Variants in PRUNE2 observed in about 807,000 individuals in gnomAD.
PRUNE2 encodes the protein protein prune homolog 2.
A neutral mutation model predicts 252.0 loss-of-function variants in PRUNE2; 164 were observed. The ratio of observed to expected loss-of-function variants is 0.65; its 90% confidence interval spans 0.57 to 0.74. The LOEUF (loss-of-function observed/expected upper bound fraction) is 0.74. PRUNE2 is among the 30% of genes least tolerant of loss of function. The pLI, the probability that PRUNE2 is intolerant of heterozygous loss-of-function variation, is 0.00. For missense variants in PRUNE2, 3,495 were observed against 3,711.0 expected (o/e 0.94, Z 1.51); for synonymous variants, 1,292 against 1,350.2 (o/e 0.96, Z 0.94).
chr9:76,755,040 C>T (rs567942172), intron 6 of PRUNE2, among the ~76,000 whole-genome samples: 1 of 150,908 alleles, frequency 6.6e-6, no homozygotes, highest in South Asian at 2.1e-4. Context: ...TTCCTTATCG[C>T]TCTTTTTAAT....
chr9:76,670,413 T>G, intron 9 of PRUNE2, among the ~76,000 whole-genome samples: 1 of 150,636 alleles, frequency 6.6e-6, no homozygotes, highest in Non-Finnish European at 1.5e-5. Flanking sequence ...ACCCACGGAG[T>G]CTCGCTGATT....
intron 5 of PRUNE2, among the ~76,000 whole-genome samples, chr9:76,824,778 G>C (rs954987923): frequency 3.9e-5 from 6 of 152,092 alleles, no homozygotes; most frequent in Non-Finnish European, 7.4e-5. Flanking sequence ...TACTTACAAT[G>C]CTCTGTCAAT....
intron 11 of PRUNE2, 73 bp from the exon 12 acceptor site, chr9:76,644,982 A>G: frequency 7.3e-7 from 1 of 1,370,474 alleles, no homozygotes; most frequent in Non-Finnish European, 1.0e-6. Flanking sequence ...GCCAAATGGT[A>G]AGCTTTACAA....
chr9:76,793,374 G>A (rs768320152), intron 6 of PRUNE2, among the ~76,000 whole-genome samples: 2 of 152,168 alleles, frequency 1.3e-5, no homozygotes, highest in South Asian at 2.1e-4. Flanking sequence ...AAGGGGTGGA[G>A]GATTGACGAA....
At chr9:76,681,423 TTTATG>T (rs1315325385) in intron 9 of PRUNE2, among the ~76,000 whole-genome samples, 2 of 151,362 alleles carry the variant, frequency 1.3e-5, no homozygotes, top group Admixed American at 6.6e-5. Flanking sequence ...GACGGTAAAT[TTTATG>T]TTATGTGTTT....
Position 76,636,514 on chromosome 9 carries a change from A to T in PRUNE2, c.9007T>A (p.Trp3003Arg). ...ACAGCAAGGATTGTTCTGATGAACC[A>T]AGATGGATGAACAATGATGAATGAT... ...LKSFIIVHPS[W>R]FIRTILAVTR... Residue 3003 changes from tryptophan to arginine, a missense_variant, in exon 15 of 19, where the codon TGG (tryptophan) becomes AGG (arginine). By Grantham distance (101) the Trp-to-Arg change is moderately radical. Coordinates refer to ENST00000376718, the MANE Select transcript of PRUNE2 (RefSeq NM_015225.3). The T allele has an allele frequency of 6.4e-7, 1 of 1,558,466 alleles. No individual in the cohort carries two copies. The highest frequency in any genetic ancestry group is 8.7e-7 in the Non-Finnish European group (1 of 1,148,290).
intron 16 of PRUNE2, chr9:76,624,875 CTT>C: frequency 6.6e-6 from 3 of 457,598 alleles, no homozygotes; most frequent in Non-Finnish European, 3.9e-6. Context: ...ACCTCAACAG[CTT>C]TACACACAGG....
At position 76,906,020 on chromosome 9, in the gene PRUNE2, G is replaced by A; in HGVS notation, c.-57C>T. 6.3e-7 allele frequency: 1 copy of A among 1,585,756 alleles called. No individual in the cohort carries two copies. The highest frequency in any genetic ancestry group is 1.7e-5 in the Admixed American group (1 of 59,958). ...CGGAGGGGCGCAGTGGAAAATCTCG[G>A]CCCAAGGAAGACGAGCGGGGTCCCG... On this transcript the variant is annotated 5_prime_UTR_variant, in exon 1 of 19. Coordinates refer to ENST00000376718, the MANE Select transcript of PRUNE2 (RefSeq NM_015225.3).
At chr9:76,904,697 G>A (rs556834444) in intron 1 of PRUNE2, among the ~76,000 whole-genome samples, 2 of 152,188 alleles carry the variant, frequency 1.3e-5, no homozygotes, top group South Asian at 2.1e-4. Flanking sequence ...TCCTCAACTC[G>A]GAAATCTCCA....
At chr9:76,857,733 C>T (rs186624284) in intron 1 of PRUNE2, among the ~76,000 whole-genome samples, 5 of 152,306 alleles carry the variant, frequency 3.3e-5, no homozygotes, top group East Asian at 1.9e-4. Context: ...AGCTTCCCCC[C>T]ACAAATGACC....
chr9:76,636,128 C>G (rs973218136), intron 15 of PRUNE2, among the ~76,000 whole-genome samples: 5 of 152,170 alleles, frequency 3.3e-5, no homozygotes, highest in Admixed American at 3.3e-4. Flanking sequence ...TCATATTACT[C>G]TACCTTTCTA....
chr9:76,760,672 C>T (rs1015198592), intron 6 of PRUNE2, among the ~76,000 whole-genome samples: 4 of 152,196 alleles, frequency 2.6e-5, no homozygotes. Flanking sequence ...CAGCCACGTC[C>T]TACCTCTCCA....
intron 18 of PRUNE2, among the ~76,000 whole-genome samples, chr9:76,616,488 A>G (rs1280271893): frequency 6.6e-6 from 1 of 152,212 alleles, no homozygotes; most frequent in Non-Finnish European, 1.5e-5. Context: ...TATGTGAAAT[A>G]GTCTTGGAAG....
At chr9:76,685,525 A>G (rs530109746) in intron 9 of PRUNE2, among the ~76,000 whole-genome samples, 5 of 152,330 alleles carry the variant, frequency 3.3e-5, no homozygotes, top group African/African-American at 1.2e-4. Flanking sequence ...TTAAGTGAAA[A>G]TGAGGTCATT....
chr9:76,798,702 C>A (rs1300863812), intron 6 of PRUNE2, among the ~76,000 whole-genome samples: 3 of 152,212 alleles, frequency 2.0e-5, no homozygotes, highest in Non-Finnish European at 4.4e-5. Flanking sequence ...GAGCACCTTA[C>A]ATGACCACAT....
Position 76,814,604 on chromosome 9 carries a change from G to C in PRUNE2, c.756+9028C>G, listed in dbSNP as rs191539332. Among the ~76,000 whole-genome samples, 11 of 152,256 alleles carry C rather than the reference G, an allele frequency of 7.2e-5. No individual in the cohort carries two copies. The East Asian group carries it at 1.7e-3, about 24-fold the overall frequency. On this transcript the variant is annotated intron_variant, in intron 6 of 18. Coordinates refer to ENST00000376718, the MANE Select transcript of PRUNE2 (RefSeq NM_015225.3). ...TAACTGAAACACCATTTTATTCTGG[G>C]GAGGAGACAGTGAAGGGGTAGCTAA...
intron 6 of PRUNE2, among the ~76,000 whole-genome samples, chr9:76,797,308 A>G (rs901718399): frequency 7.2e-5 from 11 of 152,186 alleles, no homozygotes; most frequent in Non-Finnish European, 1.5e-5. Flanking sequence ...AGAACTGAAA[A>G]GGGATATACC....
chr9:76,905,407 C>T (rs1364112925), intron 1 of PRUNE2, among the ~76,000 whole-genome samples: 2 of 152,232 alleles, frequency 1.3e-5, no homozygotes, highest in African/African-American at 2.4e-5. Context: ...ACAAGACACA[C>T]TAGAATATCC....
intron 6 of PRUNE2, among the ~76,000 whole-genome samples, chr9:76,763,393 A>C (rs1289971359): frequency 6.6e-6 from 1 of 152,186 alleles, no homozygotes; most frequent in Non-Finnish European, 1.5e-5. Flanking sequence ...TAGTCATCTA[A>C]GTGAGCCATA....
Sources: allele counts gnomAD v4.1 joint callset (sites outside exome capture counted in the v4.1 genomes callset), GRCh38; gene constraint gnomAD v4.1.1; transcripts MANE v1.5; gene names NCBI Gene and HGNC (gene_info 2026-07-23, HGNC 2026-07-21).